DPY19L1: variants seen among roughly 807,000 people sequenced by gnomAD.
DPY19L1 encodes protein C-mannosyl-transferase DPY19L1.
Under a neutral mutation model 96.9 loss-of-function variants are expected in DPY19L1, and 35 were observed. The ratio of observed to expected loss-of-function variants is 0.36; its 90% CI spans 0.28 to 0.48. DPY19L1 has a LOEUF of 0.48. Ranked by LOEUF, DPY19L1 falls within the 20% of genes least tolerant of loss-of-function variation. The pLI is 0.99. For synonymous variants in DPY19L1, 205 were observed against 252.6 expected (o/e 0.81, Z 1.79); for missense variants, 521 against 777.9 (o/e 0.67, Z 3.93).
intron 16 of DPY19L1, 124 bp from the exon 17 acceptor site, chr7:34,942,763 G>C (rs1443595192): frequency 1.3e-6 from 1 of 747,228 alleles, no homozygotes; most frequent in African/African-American, 1.8e-5. Context: ...GACACACACA[G>C]GCAAATCAAA....
At chr7:34,990,596 ACT>A (rs1047271567) in intron 6 of DPY19L1, among the ~76,000 whole-genome samples, 132 of 152,370 alleles carry the variant, frequency 8.7e-4, no homozygotes, top group African/African-American at 3.1e-3. Flanking sequence ...CAGGCTTATA[ACT>A]CTAGGTAAGA....
intron 10 of DPY19L1, among the ~76,000 whole-genome samples, chr7:34,962,052 A>G (rs1419731016): frequency 6.6e-6 from 1 of 152,182 alleles, no homozygotes; most frequent in Non-Finnish European, 1.5e-5. Flanking sequence ...TTTCCTAAAA[A>G]CTAAGCATAC....
chr7:34,983,369 A>T (rs576308823), intron 7 of DPY19L1, among the ~76,000 whole-genome samples: 1 of 152,316 alleles, frequency 6.6e-6, no homozygotes, highest in Non-Finnish European at 1.5e-5. Flanking sequence ...CTTTAAAATA[A>T]CTACAATAAT....
At chr7:34,939,457 A>C in intron 19 of DPY19L1, 82 bp from the exon 20 acceptor site, 15 of 1,235,160 alleles carry the variant, frequency 1.2e-5, no homozygotes, top group Non-Finnish European at 1.5e-5. Context: ...CAATTATTTC[A>C]CAGGTAACAG....
At chr7:34,953,892 A>T (rs1784319424) in intron 13 of DPY19L1, among the ~76,000 whole-genome samples, 1 of 152,158 alleles carries the variant, frequency 6.6e-6, no homozygotes, top group Non-Finnish European at 1.5e-5. Context: ...TGGGTAAAAG[A>T]GAGGCTAGGA....
At chr7:35,029,670 T>A (rs1008398015) in intron 1 of DPY19L1, among the ~76,000 whole-genome samples, 9 of 152,148 alleles carry the variant, frequency 5.9e-5, no homozygotes, top group Non-Finnish European at 1.3e-4. Flanking sequence ...ATTAAATAGT[T>A]TTCAAAAATA....
At chr7:34,956,925 C>T (rs530835511) in intron 11 of DPY19L1, among the ~76,000 whole-genome samples, 2 of 152,222 alleles carry the variant, frequency 1.3e-5, no homozygotes, top group African/African-American at 4.8e-5. Context: ...CTCAAGAAGT[C>T]GAATATATTC....
At chr7:34,948,245 C>T (rs1421000511) in intron 14 of DPY19L1, among the ~76,000 whole-genome samples, 1 of 152,124 alleles carries the variant, frequency 6.6e-6, no homozygotes, top group Non-Finnish European at 1.5e-5. Context: ...TATCTCTCCA[C>T]CCAAAAAACC....
intron 21 of DPY19L1, among the ~76,000 whole-genome samples, chr7:34,936,962 A>G (rs1230062275): frequency 2.0e-5 from 3 of 152,248 alleles, no homozygotes; most frequent in Admixed American, 1.3e-4. Flanking sequence ...TAGTTACAGA[A>G]TAGTAAGAAT....
At chr7:34,990,076 T>G (rs1785134477) in intron 6 of DPY19L1, 135 bp from the exon 7 acceptor site, 1 of 500,456 alleles carries the variant, frequency 2.0e-6, no homozygotes, top group East Asian at 3.5e-5. Flanking sequence ...CTATGCTTAT[T>G]TACAAAATAG....
At chr7:34,998,127 A>G (rs1337829384) in intron 6 of DPY19L1, among the ~76,000 whole-genome samples, 2 of 152,244 alleles carry the variant, frequency 1.3e-5, no homozygotes, top group East Asian at 1.9e-4. Flanking sequence ...ACCAAAGAAG[A>G]TAACAGAGAA....
Position 35,011,938 on chromosome 7 carries a change from G to C in DPY19L1, c.550-488C>G, listed in dbSNP as rs575328608. On this transcript the variant is annotated intron_variant, in intron 4 of 21. Coordinates refer to ENST00000638088, the MANE Select transcript of DPY19L1 (RefSeq NM_001366673.1). Reference sequence around the variant, plus strand: ...CTTACCACTTTTAATAATTAAAATAGTGTGATACTGGCACAAGAATGGCTA... The same window carrying C: ...CTTACCACTTTTAATAATTAAAATACTGTGATACTGGCACAAGAATGGCTA... 3.9e-5 allele frequency among the ~76,000 whole-genome samples: 6 copies of C among 152,334 alleles called. No individual in the cohort carries two copies. The South Asian group carries it at 8.3e-4, about 21-fold the overall frequency.
intron 1 of DPY19L1, among the ~76,000 whole-genome samples, chr7:35,028,680 G>T (rs1467131782): frequency 6.6e-6 from 1 of 152,164 alleles, no homozygotes; most frequent in African/African-American, 2.4e-5. Context: ...AATAAAGAAT[G>T]GCTACTCCAT....
At chr7:35,017,533 A>G (rs1240613932) in intron 3 of DPY19L1, among the ~76,000 whole-genome samples, 1 of 112,974 alleles carries the variant, frequency 8.9e-6, no homozygotes, top group Non-Finnish European at 1.9e-5. Flanking sequence ...TTAGCCGGGC[A>G]TGGTGGCAGG....
In DPY19L1 at chr7:34,931,208, T is replaced by C. The variant is rs1783745943; in HGVS notation, c.*365A>G. ...AGAAGCAAGGGGCATTAATAGTTCT[T>C]ACACTATAAAATCAGCCCCTACATT... On this transcript the variant is annotated 3_prime_UTR_variant, in exon 22 of 22. Transcript: ENST00000638088. 1 of 159,132 alleles carries C rather than the reference T, an allele frequency of 6.3e-6. No individual in the cohort carries two copies. Among genetic ancestry groups the C allele is most frequent in the Non-Finnish European group, 1.4e-5 (1 of 72,944 alleles). The allele number at this position is 159,132 out of a possible 1,614,324, so 9.9% of individuals were successfully genotyped here. A position where few individuals can be genotyped will look rare whatever the true frequency, so the allele number is the denominator to read the frequency against.
At chr7:35,009,795 GAAGT>G (rs1186844988) in intron 6 of DPY19L1, among the ~76,000 whole-genome samples, 1 of 152,048 alleles carries the variant, frequency 6.6e-6, no homozygotes, top group African/African-American at 2.4e-5. Flanking sequence ...ACTACAGTAA[GAAGT>G]AAGACTTCAC....
At chr7:34,945,644 A>G (rs777491384) in intron 16 of DPY19L1, 23 bp downstream of exon 16, 143 of 1,528,212 alleles carry the variant, frequency 9.4e-5, no homozygotes, top group Non-Finnish European at 1.3e-4. Context: ...AGGAGGTAAT[A>G]AAATTCTTAA....
intron 7 of DPY19L1, among the ~76,000 whole-genome samples, chr7:34,985,564 T>TG (rs1490221418): frequency 1.3e-5 from 2 of 148,798 alleles, no homozygotes; most frequent in Non-Finnish European, 3.0e-5. Context: ...AACAGATATA[T>TG]GAAAAAAAAA....
intron 15 of DPY19L1, 48 bp downstream of exon 15, chr7:34,947,582 C>T: frequency 3.3e-6 from 5 of 1,532,452 alleles, no homozygotes; most frequent in Non-Finnish European, 4.5e-6. Flanking sequence ...TATGTAAAAA[C>T]AAGAAAATAT....
Sources: gnomAD v4.1 joint callset for allele counts (sites outside exome capture counted in the v4.1 genomes callset) on GRCh38, gnomAD v4.1.1 for gene constraint, MANE v1.5 for transcripts, NCBI Gene and HGNC (gene_info 2026-07-23, HGNC 2026-07-21) for gene names.